Variants in DNA2 observed in about 807,000 individuals in gnomAD.
DNA2 encodes DNA replication helicase/nuclease 2.
Under a neutral mutation model 119.1 loss-of-function variants are expected in DNA2, and 101 were observed. The observed-to-expected ratio is 0.85, with a 90% CI of 0.72 to 1.00. The LOEUF is 1.00. DNA2 is among the 50% of genes least tolerant of loss of function. DNA2 has a pLI of 0.00. For synonymous variants in DNA2, 366 were observed against 424.4 expected (o/e 0.86, Z 1.69); for missense variants, 1,121 against 1,255.5 (o/e 0.89, Z 1.62).
chr10:68,467,091 T>C (rs2052335501), intron 3 of DNA2, among the ~76,000 whole-genome samples: 1 of 152,152 alleles, frequency 6.6e-6, no homozygotes, highest in Non-Finnish European at 1.5e-5. Flanking sequence ...ATCATCTCTT[T>C]GTATGTTTGA....
intron 4 of DNA2, among the ~76,000 whole-genome samples, chr10:68,463,443 C>CAAAA (rs35470662): frequency 1.9e-4 from 11 of 59,436 alleles, no homozygotes; most frequent in African/African-American, 2.4e-4. Flanking sequence ...GACTCCATCT[C>CAAAA]AAAAAAAAAA....
At chr10:68,469,142 C>G (rs1298875332) in intron 2 of DNA2, among the ~76,000 whole-genome samples, 1 of 152,140 alleles carries the variant, frequency 6.6e-6, no homozygotes, top group Non-Finnish European at 1.5e-5. Context: ...CACTCCACCC[C>G]TCACATACCA....
At chr10:68,430,987 T>C (rs2051812756) in intron 13 of DNA2, among the ~76,000 whole-genome samples, 1 of 152,014 alleles carries the variant, frequency 6.6e-6, no homozygotes, top group Non-Finnish European at 1.5e-5. Context: ...AATTCTTTTT[T>C]TAATTAGCCA....
chr10:68,462,989 G>A (rs115288705), intron 4 of DNA2, among the ~76,000 whole-genome samples: 3,368 of 151,970 alleles, frequency 0.022, 122 homozygotes, highest in African/African-American at 0.077. Context: ...AAAATTAGCC[G>A]GCCATGGTGG....
At chr10:68,425,815 A>AC (rs908143676) in intron 14 of DNA2, among the ~76,000 whole-genome samples, 1 of 151,842 alleles carries the variant, frequency 6.6e-6, no homozygotes, top group African/African-American at 2.4e-5. Flanking sequence ...AATTCAAAAA[A>AC]AAAACAAAAA....
At chr10:68,443,178 A>C in intron 8 of DNA2, 67 bp from the exon 9 acceptor site, 2 of 1,330,576 alleles carry the variant, frequency 1.5e-6, no homozygotes, top group Non-Finnish European at 2.0e-6. Context: ...GAAGTGAGAT[A>C]ATTCCAAAAT....
In DNA2 at chr10:68,453,331, T is replaced by C. The variant is rs188829492; in HGVS notation, c.720-3084A>G. 6.9e-3 allele frequency among the ~76,000 whole-genome samples: 1,047 copies of C among 152,336 alleles called. 6 individuals are homozygous for C. The highest frequency in any genetic ancestry group is 0.01 in the Non-Finnish European group (693 of 68,026). On this transcript the variant is annotated intron_variant, in intron 5 of 20. Transcript: ENST00000358410. ...CTTTATGACTGACCTTTTAAAACAT[T>C]TATCAACATTTCCTTAGTCTACAAA...
intron 4 of DNA2, among the ~76,000 whole-genome samples, chr10:68,464,993 CAA>C (rs997564463): frequency 7.0e-6 from 1 of 143,462 alleles, no homozygotes. Context: ...ATCTCCCCTC[CAA>C]AAAAAAAATA....
In DNA2 at chr10:68,465,587, T is replaced by C. The variant is rs1198041189; in HGVS notation, c.587+80A>G. On this transcript the variant is annotated intron_variant, in intron 4 of 20. Transcript: ENST00000358410. ...GATTACACTAATTTATATTGGATAG[T>C]CTACACAAATACTTTATAGTTTCTA... is the stretch of plus-strand genomic sequence containing the variant. 8 of 1,069,292 alleles carry C rather than the reference T, an allele frequency of 7.5e-6. No individual in the cohort carries two copies. The East Asian group carries it at 1.8e-4, about 25-fold the overall frequency. 66.2% of individuals were successfully genotyped at this position (1,069,292 alleles called of 1,614,324 possible).
At position 68,450,037 on chromosome 10, in the gene DNA2, G is replaced by A. The variant is rs1313907900; in HGVS notation, c.930C>T (p.His310=). Residue 310 remains histidine, a synonymous_variant, in exon 6 of 21, where the codon CAC becomes CAT. Coordinates refer to ENST00000358410, the MANE Select transcript of DNA2 (RefSeq NM_001080449.3). ...KTGKESNSIE[H]RSQVVLYTLL... ...TTATTAACATTTATACCTGACTACG[G>A]TGTTCAATAGAATTTGATTCTTTGC... 2 of 1,578,240 alleles carry A rather than the reference G, an allele frequency of 1.3e-6. No homozygotes were observed. The highest frequency in any genetic ancestry group is 1.7e-6 in the Non-Finnish European group (2 of 1,157,702).
intron 4 of DNA2, among the ~76,000 whole-genome samples, chr10:68,463,996 A>G (rs1590075538): frequency 1.3e-5 from 2 of 152,340 alleles, no homozygotes; most frequent in East Asian, 3.9e-4. Flanking sequence ...TCCTCAAGCC[A>G]GAAAGCAACT....
At chr10:68,450,317 C>T (rs2052102412) in intron 5 of DNA2, 70 bp from the exon 6 acceptor site, 1 of 1,152,916 alleles carries the variant, frequency 8.7e-7, no homozygotes, top group African/African-American at 1.6e-5. Context: ...CTGGCTCTGA[C>T]TGCCTATTAC....
intron 2 of DNA2, 43 bp downstream of exon 2, chr10:68,469,938 C>T (rs1455168605): frequency 6.5e-7 from 1 of 1,545,908 alleles, no homozygotes; most frequent in Non-Finnish European, 8.7e-7. Flanking sequence ...TACGACAGTA[C>T]CCTTAAGATT....
At chr10:68,434,687 C>T (rs1417721585) in intron 10 of DNA2, among the ~76,000 whole-genome samples, 4 of 152,010 alleles carry the variant, frequency 2.6e-5, no homozygotes, top group African/African-American at 7.2e-5. Flanking sequence ...ACACGCAAGA[C>T]CATAAATTCC....
chr10:68,455,042 G>A (rs181608782), intron 5 of DNA2, among the ~76,000 whole-genome samples: 1 of 150,428 alleles, frequency 6.6e-6, no homozygotes, highest in African/African-American at 2.4e-5. Context: ...GGGTTCAAGC[G>A]ATTCTCCTGC....
intron 5 of DNA2, among the ~76,000 whole-genome samples, chr10:68,453,482 A>G (rs1279843948): frequency 6.6e-6 from 1 of 151,884 alleles, no homozygotes; most frequent in Non-Finnish European, 1.5e-5. Flanking sequence ...TGCATAATCT[A>G]TTTCAGTAAA....
In DNA2 at chr10:68,422,422, T is replaced by A. The variant is rs1470065231; in HGVS notation, c.2500A>T (p.Met834Leu). 6.2e-7 allele frequency: 1 copy of A among 1,613,274 alleles called. No individual in the cohort carries two copies. The highest frequency in any genetic ancestry group is 1.3e-5 in the African/African-American group (1 of 74,872). Residue 834 changes from methionine to leucine, a missense_variant, in exon 17 of 21, where the codon ATG becomes TTG. By Grantham distance (15) the Met-to-Leu change is conservative. Coordinates refer to ENST00000358410, the MANE Select transcript of DNA2 (RefSeq NM_001080449.3). ...TVQYRMNSKIMSLSNKLTYEG... is the reference protein window; with the variant it reads ...TVQYRMNSKILSLSNKLTYEG... ...TAGGTCAGCTTATTACTTAAGGACA[T>A]AATTTTACTAAGGGAATTACAAAAG... is the stretch of plus-strand genomic sequence containing the variant.
chr10:68,466,326 A>C (rs916710373), intron 3 of DNA2, among the ~76,000 whole-genome samples: 2 of 152,198 alleles, frequency 1.3e-5, no homozygotes, highest in African/African-American at 4.8e-5. Context: ...ATATTCTCAA[A>C]TAATTAATAT....
At chr10:68,444,853 C>T in intron 8 of DNA2, 68 bp downstream of exon 8, 2 of 1,157,966 alleles carry the variant, frequency 1.7e-6, no homozygotes, top group Non-Finnish European at 2.5e-6. Flanking sequence ...GTCTGGCCAC[C>T]AGTGTTAAAC....
Sources: allele counts gnomAD v4.1 joint callset (sites outside exome capture counted in the v4.1 genomes callset), GRCh38; gene constraint gnomAD v4.1.1; transcripts MANE v1.5; gene names NCBI Gene and HGNC (gene_info 2026-07-23, HGNC 2026-07-21).